Variants in SLC22A24 observed in about 807,000 individuals in gnomAD.
SLC22A24 encodes the protein solute carrier family 22 member 24, also known as steroid transmembrane transporter SLC22A24.
A neutral mutation model predicts 49.8 loss-of-function variants in SLC22A24; 53 were observed. That is an observed-to-expected ratio of 1.06 (90% confidence interval 0.85 to 1.34). SLC22A24 has a LOEUF of 1.34. SLC22A24 is among the 40% of genes most tolerant of loss of function. The pLI is 0.00. For synonymous variants in SLC22A24, 302 were observed against 256.4 expected, an observed-to-expected ratio of 1.18 and a Z score of -1.70; for missense variants, 786 against 675.9, an observed-to-expected ratio of 1.16 and a Z score of -1.81.
At chr11:63,140,209 G>A (rs1401356721) in intron 1 of SLC22A24, among the ~76,000 whole-genome samples, 2 of 151,414 alleles carry the variant, frequency 1.3e-5, no homozygotes, top group Non-Finnish European at 2.9e-5. Flanking sequence ...ACCCTCCTGA[G>A]TAGCTGGGAC....
chr11:63,103,926 C>T (rs10736722), intron 5 of SLC22A24, among the ~76,000 whole-genome samples: 146,994 of 152,248 alleles, frequency 0.97, 71,184 homozygotes, highest in East Asian at 1. Context: ...TTCCCCTATA[C>T]GTCTAGGGTA....
chr11:63,080,164 CCCTGATA>C (rs1267984791), intron 9 of SLC22A24, among the ~76,000 whole-genome samples, 164 bp from the exon 10 acceptor site: 1 of 152,108 alleles, frequency 6.6e-6, no homozygotes, highest in African/African-American at 2.4e-5. Flanking sequence ...TTGGAAAAGG[CCCTGATA>C]CCTGGGCATT....
chr11:63,108,896 G>T (rs1590737595), intron 4 of SLC22A24, among the ~76,000 whole-genome samples: 1 of 143,754 alleles, frequency 7.0e-6, no homozygotes, highest in Non-Finnish European at 1.5e-5. Flanking sequence ...TGCACATTGT[G>T]CAGGTTAGTT....
chr11:63,134,500 T>G (rs1450945744), intron 2 of SLC22A24, among the ~76,000 whole-genome samples, 165 bp downstream of exon 2: 1 of 152,210 alleles, frequency 6.6e-6, no homozygotes, highest in Non-Finnish European at 1.5e-5. Context: ...CATTTCTAAT[T>G]CAAATAAGCA....
At chr11:63,102,069 T>G (rs191888199) in intron 5 of SLC22A24, among the ~76,000 whole-genome samples, 195 of 152,210 alleles carry the variant, frequency 1.3e-3, no homozygotes, top group Non-Finnish European at 1.7e-3. Context: ...TATTGTACAT[T>G]TAAAAATGAC....
chr11:63,130,724 T>C (rs896425937), intron 2 of SLC22A24, among the ~76,000 whole-genome samples: 5 of 152,208 alleles, frequency 3.3e-5, no homozygotes, highest in Non-Finnish European at 7.3e-5. Context: ...TGTCCAGGAA[T>C]TTATCAATTT....
At chr11:63,101,062 G>T (rs2087087719) in intron 5 of SLC22A24, among the ~76,000 whole-genome samples, 1 of 152,030 alleles carries the variant, frequency 6.6e-6, no homozygotes, top group Non-Finnish European at 1.5e-5. Flanking sequence ...ATCACATCAT[G>T]TTAAAAAGCT....
chr11:63,091,391 C>T (rs1045201365), intron 6 of SLC22A24, among the ~76,000 whole-genome samples: 1 of 152,140 alleles, frequency 6.6e-6, no homozygotes, highest in African/African-American at 2.4e-5. Flanking sequence ...GGGACTTCTC[C>T]CTAACTAATT....
intron 2 of SLC22A24, among the ~76,000 whole-genome samples, chr11:63,124,657 G>A (rs190684634): frequency 7.9e-5 from 12 of 152,172 alleles, no homozygotes; most frequent in African/African-American, 2.9e-4. Context: ...GCCACTGTTA[G>A]CTCTTACTAA....
chr11:63,081,062 A>T lies in SLC22A24; in HGVS notation c.1456T>A (p.Leu486Met). The change falls in exon 9 of 10, where the codon TTG becomes ATG. Residue 486 changes from leucine (L) to methionine (M), a missense_variant. Transcript: ENST00000612278. ...GRTGAALAPL[L>M]MTLMAYSPHL... ...GGAGAATACGCCATTAAGGTCATCA[A>T]CAGAGGAGCCAGTGCTGCCCCAGTC... 2 of 1,551,708 alleles carry T rather than the reference A, an allele frequency of 1.3e-6. No individual in the cohort carries two copies. Among genetic ancestry groups the T allele is most frequent in the Non-Finnish European group, 1.7e-6 (2 of 1,146,972 alleles).
intron 4 of SLC22A24, among the ~76,000 whole-genome samples, chr11:63,112,956 A>G (rs2087177352): frequency 7.2e-6 from 1 of 138,178 alleles, no homozygotes; most frequent in African/African-American, 2.7e-5. Context: ...CGGAGCTTGT[A>G]GTGAGCCAAG....
At chr11:63,081,774 GTAGACAAACTGCAACATGCCAGAGA>G in intron 7 of SLC22A24, 108 bp from the exon 8 acceptor site, 6 of 730,002 alleles carry the variant, frequency 8.2e-6, no homozygotes, top group Non-Finnish European at 1.5e-5. Flanking sequence ...GAAATATGTG[GTAGACAAACTGCAACATGCCAGAGA>G]TTGGGGAATG....
intron 4 of SLC22A24, among the ~76,000 whole-genome samples, chr11:63,117,550 C>A (rs546458168): frequency 6.6e-6 from 1 of 152,218 alleles, no homozygotes; most frequent in East Asian, 1.9e-4. Flanking sequence ...TCTTTGCCAC[C>A]CCTGAGATGG....
intron 1 of SLC22A24, among the ~76,000 whole-genome samples, chr11:63,136,758 G>A (rs139138827): frequency 0.019 from 2,857 of 152,292 alleles, 44 homozygotes; most frequent in Non-Finnish European, 0.031. Context: ...ACCTGCCCAT[G>A]GTTCAGTGGC....
intron 4 of SLC22A24, among the ~76,000 whole-genome samples, chr11:63,107,770 C>T (rs11231357): frequency 0.081 from 12,237 of 151,988 alleles, 532 homozygotes; most frequent in African/African-American, 0.11. Context: ...TTGTGATTTT[C>T]GCACACTGAT....
intron 2 of SLC22A24, among the ~76,000 whole-genome samples, chr11:63,129,499 T>C (rs575306919): frequency 3.3e-5 from 5 of 152,320 alleles, no homozygotes; most frequent in East Asian, 1.9e-4. Context: ...TAGTTTTTTT[T>C]CCAATTCTGT....
chr11:63,140,379 C>T (rs111545990), intron 1 of SLC22A24, among the ~76,000 whole-genome samples: 106 of 152,114 alleles, frequency 7.0e-4, no homozygotes, highest in Admixed American at 2.9e-3. Flanking sequence ...CACATCTGGG[C>T]ATAAAGACAG....
intron 1 of SLC22A24, among the ~76,000 whole-genome samples, chr11:63,139,463 C>T (rs192887984): frequency 6.6e-6 from 1 of 152,042 alleles, no homozygotes; most frequent in East Asian, 1.9e-4. Context: ...AGGAAATATA[C>T]CTTAGGGGAT....
chr11:63,120,196 C>A (rs909567588), intron 2 of SLC22A24, among the ~76,000 whole-genome samples: 7 of 150,376 alleles, frequency 4.7e-5, no homozygotes, highest in Non-Finnish European at 7.4e-5. Flanking sequence ...AGTCCTTGCC[C>A]ATGCCTATGT....
Sources: gnomAD v4.1 joint callset for allele counts (sites outside exome capture counted in the v4.1 genomes callset) on GRCh38, gnomAD v4.1.1 for gene constraint, MANE v1.5 for transcripts, NCBI Gene and HGNC (gene_info 2026-07-23, HGNC 2026-07-21) for gene names.